The following PACS1 variants were observed in gnomAD, a reference collection of about 807,000 sequenced individuals.
PACS1 encodes the protein phosphofurin acidic cluster sorting protein 1.
Under a neutral mutation model 115.0 loss-of-function variants are expected in PACS1, and 24 were observed. The ratio of observed to expected loss-of-function variants is 0.21; its 90% CI spans 0.15 to 0.29. The LOEUF (loss-of-function observed/expected upper bound fraction) is 0.29, where lower values mean the gene tolerates loss of function less well. Ranked by LOEUF, PACS1 falls within the 10% of genes least tolerant of loss-of-function variation. The pLI is 1.00. For synonymous variants in PACS1, 453 were observed against 504.5 expected (o/e 0.90, Z 1.37); for missense variants, 838 against 1,251.2 (o/e 0.67, Z 4.98).
At chr11:66,103,547 G>A (rs1337245040) in intron 1 of PACS1, among the ~76,000 whole-genome samples, 10 of 136,290 alleles carry the variant, frequency 7.3e-5, no homozygotes, top group Non-Finnish European at 1.1e-4. Flanking sequence ...TTTTGAGGCG[G>A]AATCTGGGGC....
intron 1 of PACS1, among the ~76,000 whole-genome samples, chr11:66,131,553 A>G (rs72934673): frequency 0.03 from 4,577 of 152,266 alleles, 82 homozygotes; most frequent in South Asian, 0.071. Context: ...TTTATTCAGC[A>G]GAAATCTTTT....
At chr11:66,089,893 C>G (rs905459690) in intron 1 of PACS1, among the ~76,000 whole-genome samples, 2 of 151,134 alleles carry the variant, frequency 1.3e-5, no homozygotes, top group African/African-American at 4.9e-5. Flanking sequence ...GTAGTCCCAG[C>G]TACTCGAGAG....
intron 21 of PACS1, chr11:66,240,927 G>A (rs1367869447): frequency 1.3e-5 from 2 of 152,462 alleles, no homozygotes; most frequent in Admixed American, 6.5e-5. Flanking sequence ...TGAGCTAAGA[G>A]TGCCATGAAA....
chr11:66,181,203 T>A (rs1860002176), intron 1 of PACS1, among the ~76,000 whole-genome samples: 1 of 151,510 alleles, frequency 6.6e-6, no homozygotes, highest in Non-Finnish European at 1.5e-5. Context: ...TTATTTTAAT[T>A]TTAATTTTTT....
chr11:66,156,386 AG>A (rs942166587), intron 1 of PACS1, among the ~76,000 whole-genome samples: 2 of 150,758 alleles, frequency 1.3e-5, no homozygotes, highest in Non-Finnish European at 3.0e-5. Flanking sequence ...CTGGGATTAC[AG>A]GCATGTACCA....
At position 66,097,895 on chromosome 11, in the gene PACS1, T is replaced by C. The variant is rs920861344; in HGVS notation, c.356+27053T>C. ...GTCTTTTTCTTATTTTAAAAATAGG[T>C]AGGTTGGGCATGGTGGTTTACACCT... On this transcript the variant is annotated intron_variant, in intron 1 of 23. Transcript: ENST00000320580. Among the ~76,000 whole-genome samples the C allele has an allele frequency of 7.2e-5, 11 of 152,288 alleles. No homozygotes were observed. In the East Asian group the frequency reaches 2.1e-3, roughly 29 times the overall value.
In PACS1 at chr11:66,202,726, G is replaced by GGGGAAAAAAAAAAAAAAAAAAAAAA; in HGVS notation, c.445-7636_445-7635insGGGAAAAAAAAAAAAAAAAAAAAAA. ...CAACATGGCAAAACCTCATCTCTAG[G>GGGGAAAAAAAAAAAAAAAAAAAAAA]AAAAAAAAAAAAAAAAATATATATA... On this transcript the variant is annotated intron_variant, in intron 2 of 23. Transcript: ENST00000320580. Among the ~76,000 whole-genome samples, 2 of 10,960 alleles carry GGGGAAAAAAAAAAAAAAAAAAAAAA rather than the reference G, an allele frequency of 1.8e-4. 1 individual carries two copies. The highest frequency in any genetic ancestry group is 4.8e-4 in the African/African-American group (2 of 4,186). 7.2% of individuals were successfully genotyped at this position (10,960 alleles called of 152,430 possible).
chr11:66,095,073 A>T (rs1857749385), intron 1 of PACS1, among the ~76,000 whole-genome samples: 1 of 149,492 alleles, frequency 6.7e-6, no homozygotes, highest in Non-Finnish European at 1.5e-5. Context: ...ATCTATGACA[A>T]ACCCACAGCC....
chr11:66,191,100 G>A (rs1216002908), intron 1 of PACS1, among the ~76,000 whole-genome samples: 3 of 152,162 alleles, frequency 2.0e-5, no homozygotes, highest in African/African-American at 7.2e-5. Flanking sequence ...TGGACAGGGT[G>A]GTGCTCCTTC....
At chr11:66,156,860 A>C (rs912692590) in intron 1 of PACS1, among the ~76,000 whole-genome samples, 6 of 152,110 alleles carry the variant, frequency 3.9e-5, no homozygotes, top group Admixed American at 1.3e-4. Context: ...CTCGAAAAAA[A>C]AAAAAAAATC....
Position 66,148,046 on chromosome 11 carries a change from G to GA in PACS1, c.357-45431dup, listed in dbSNP as rs1415188254. ...CGGCCATAATAACAAAAGACATAAG[G>GA]AAAAAAAAATACCTGAGACTCTCTT... On this transcript the variant is annotated intron_variant, in intron 1 of 23. Transcript: ENST00000320580. Among the ~76,000 whole-genome samples the GA allele has an allele frequency of 1.6e-4, 24 of 149,388 alleles. 1 individual carries two copies. The highest frequency in any genetic ancestry group is 1.2e-3 in the East Asian group (6 of 5,136).
chr11:66,120,903 G>C lies in PACS1; in HGVS notation c.356+50061G>C, dbSNP rs536240511. On this transcript the variant is annotated intron_variant, in intron 1 of 23. Coordinates refer to ENST00000320580, the MANE Select transcript of PACS1 (RefSeq NM_018026.4). ...CCAGTTCAAGGGACGTCTTCATGAA[G>C]TCCCCCTTGCCCCAGCCCTGTGCTT... 3.7e-5 allele frequency: 15 copies of C among 408,880 alleles called. No homozygotes were observed. The East Asian group carries it at 9.5e-4, about 26-fold the overall frequency. The allele number at this position is 408,880 out of a possible 1,614,324, so 25.3% of individuals were successfully genotyped here.
rs181504939 is a variant in PACS1 at position 66,235,755 on chromosome 11, A to G, written c.2208-143A>G. 240 of 782,100 alleles carry G rather than the reference A, an allele frequency of 3.1e-4. 1 individual carries two copies. The African/African-American group carries it at 3.3e-3, about 11-fold the overall frequency. 48.4% of individuals were successfully genotyped at this position (782,100 alleles called of 1,614,324 possible). A position where few individuals can be genotyped will look rare whatever the true frequency, so the allele number is the denominator to read the frequency against. On this transcript the variant is annotated intron_variant, in intron 18 of 23. Transcript: ENST00000320580. This position sits in a 1 kb window ranked among gnomAD's most constrained non-coding sequence, Gnocchi z 5.6. ...GCACAGCAAGTCCCAGACCTTCCCC[A>G]TGCCACCCCAGGATGTGATGGGCAG...
chr11:66,090,354 C>T (rs1457387512), intron 1 of PACS1, among the ~76,000 whole-genome samples: 1 of 149,070 alleles, frequency 6.7e-6, no homozygotes, highest in East Asian at 2.0e-4. Context: ...CTCACTGCAG[C>T]CTGAACCTCC....
In PACS1 at chr11:66,215,599, TTAA is replaced by T. The variant is rs142799819; in HGVS notation, c.661-510_661-508del. Among the ~76,000 whole-genome samples the T allele has an allele frequency of 7.6e-3, 1,138 of 149,638 alleles. 21 individuals are homozygous for T. Among genetic ancestry groups the T allele is most frequent in the African/African-American group, 0.026 (1,061 of 40,626 alleles). Reference sequence around the variant, plus strand: ...TGGGTGACAGAGTGAGACCCTGCCTTTAATAATAATAAAAAACAGGCTGGGTGC... The same window carrying T: ...TGGGTGACAGAGTGAGACCCTGCCTTTAATAATAAAAAACAGGCTGGGTGC... On this transcript the variant is annotated intron_variant, in intron 4 of 23. Transcript: ENST00000320580.
chr11:66,100,594 C>G (rs1165497486), intron 1 of PACS1, among the ~76,000 whole-genome samples: 1 of 152,184 alleles, frequency 6.6e-6, no homozygotes, highest in East Asian at 1.9e-4. Flanking sequence ...GTAAAAAAGT[C>G]TCTCCAAAAG....
intron 10 of PACS1, among the ~76,000 whole-genome samples, chr11:66,226,931 GAA>G (rs1202345691): frequency 6.6e-6 from 1 of 152,180 alleles, no homozygotes; most frequent in African/African-American, 2.4e-5. Context: ...ATATTTATGA[GAA>G]ATGCTAATAA....
Position 66,221,434 on chromosome 11 carries a change from T to G in PACS1, c.1293+187T>G. 5 of 599,008 alleles carry G rather than the reference T, an allele frequency of 8.3e-6. 1 individual carries two copies. The highest frequency in any genetic ancestry group is 7.9e-5 in the South Asian group (4 of 50,954). The allele number at this position is 599,008 out of a possible 1,614,324, so 37.1% of individuals were successfully genotyped here. ...AGGTGGAGTCGGGCAGATCATGAGG[T>G]CAAGAGATTGAGAGCATTCTGGCCA... is the stretch of plus-strand genomic sequence containing the variant. On this transcript the variant is annotated intron_variant, in intron 10 of 23. Coordinates refer to ENST00000320580, the MANE Select transcript of PACS1 (RefSeq NM_018026.4).
At chr11:66,151,410 A>G (rs958700018) in intron 1 of PACS1, among the ~76,000 whole-genome samples, 1 of 152,168 alleles carries the variant, frequency 6.6e-6, no homozygotes, top group African/African-American at 2.4e-5. Flanking sequence ...AGAACACAAA[A>G]GTCACAGAGT....
Sources: gnomAD v4.1 joint callset for allele counts (sites outside exome capture counted in the v4.1 genomes callset) on GRCh38, gnomAD v4.1.1 for gene constraint, Gnocchi (gnomAD v3.1) non-coding constraint, MANE v1.5 for transcripts, NCBI Gene and HGNC (gene_info 2026-07-23, HGNC 2026-07-21) for gene names.